Variants in GPR158 observed in about 807,000 individuals in gnomAD.
GPR158 encodes metabotropic glycine receptor.
Under a neutral mutation model 78.2 loss-of-function variants are expected in GPR158, and 30 were observed. The ratio of observed to expected loss-of-function variants is 0.38; its 90% confidence interval spans 0.29 to 0.52. The LOEUF (loss-of-function observed/expected upper bound fraction) is 0.52, where lower values mean the gene tolerates loss of function less well. GPR158 is among the 20% of genes least tolerant of loss of function. The pLI is 0.83. For missense variants in GPR158, 1,463 were observed against 1,523.5 expected, an observed-to-expected ratio of 0.96 and a Z score of 0.66; for synonymous variants, 581 against 591.1, an observed-to-expected ratio of 0.98 and a Z score of 0.25.
intron 5 of GPR158, among the ~76,000 whole-genome samples, chr10:25,509,612 G>A (rs1836057189): frequency 6.6e-6 from 1 of 152,200 alleles, no homozygotes; most frequent in Admixed American, 6.5e-5. Flanking sequence ...TGTATTTTCT[G>A]TGTGGATGTT....
intron 5 of GPR158, among the ~76,000 whole-genome samples, chr10:25,500,415 A>C (rs572157544): frequency 1.3e-5 from 2 of 152,342 alleles, no homozygotes; most frequent in African/African-American, 4.8e-5. Flanking sequence ...GGATTTTTTC[A>C]AAATTCCTGG....
intron 1 of GPR158, among the ~76,000 whole-genome samples, chr10:25,182,345 C>T (rs368820016): frequency 4.6e-5 from 7 of 152,128 alleles, no homozygotes; most frequent in Admixed American, 2.0e-4. Context: ...TAATTTCTCT[C>T]GAGAGAATAC....
At chr10:25,366,621 A>G (rs1187096634) in intron 2 of GPR158, among the ~76,000 whole-genome samples, 5 of 151,706 alleles carry the variant, frequency 3.3e-5, no homozygotes, top group African/African-American at 1.2e-4. Flanking sequence ...TACTTAGTTA[A>G]TTAATGATGT....
chr10:25,488,291 C>T (rs1835760303), intron 5 of GPR158, among the ~76,000 whole-genome samples: 1 of 152,114 alleles, frequency 6.6e-6, no homozygotes, highest in African/African-American at 2.4e-5. Context: ...ATCACAAGGT[C>T]ATGCTTAGCT....
intron 9 of GPR158, among the ~76,000 whole-genome samples, chr10:25,595,453 T>C (rs1443998174): frequency 5.3e-5 from 8 of 152,198 alleles, no homozygotes; most frequent in Non-Finnish European, 1.5e-5. Flanking sequence ...TGTAGAAGGA[T>C]GTTCATAGCA....
chr10:25,187,562 G>T (rs1447886434), intron 1 of GPR158, among the ~76,000 whole-genome samples: 1 of 152,196 alleles, frequency 6.6e-6, no homozygotes, highest in South Asian at 2.1e-4. Context: ...TGCAGAAAAG[G>T]CCTTCGACAA....
In GPR158 at chr10:25,176,452, C is replaced by T; in HGVS notation, c.902+130C>T. The T allele has an allele frequency of 2.6e-6, 2 of 783,090 alleles. No homozygotes were observed. The highest frequency in any genetic ancestry group is 2.0e-5 in the South Asian group (1 of 51,214). The allele number at this position is 783,090 out of a possible 1,614,324, so 48.5% of individuals were successfully genotyped here. A position where few individuals can be genotyped will look rare whatever the true frequency, so the allele number is the denominator to read the frequency against. On this transcript the variant is annotated intron_variant, in intron 1 of 10. Coordinates refer to ENST00000376351, the MANE Select transcript of GPR158 (RefSeq NM_020752.3). This position sits in a 1 kb window ranked among gnomAD's most constrained non-coding sequence, Gnocchi z 6.3. ...CGCTTCTCACCCTCAGAGTAGAGAC[C>T]CGGGCTGAGGGACACCCCACGCGGG... is the stretch of plus-strand genomic sequence containing the variant.
chr10:25,515,185 C>A (rs1490601792), intron 5 of GPR158, among the ~76,000 whole-genome samples: 2 of 151,692 alleles, frequency 1.3e-5, no homozygotes, highest in Admixed American at 1.3e-4. Context: ...TTCTTGGAGG[C>A]TTTGTTCATT....
At chr10:25,363,215 C>T (rs1855668841) in intron 2 of GPR158, among the ~76,000 whole-genome samples, 1 of 151,908 alleles carries the variant, frequency 6.6e-6, no homozygotes, top group Admixed American at 6.6e-5. Flanking sequence ...TTTATAGATC[C>T]AATCACAGCA....
In GPR158 at chr10:25,312,034, A is replaced by T. The variant is rs554879141; in HGVS notation, c.1009-83877A>T. Among the ~76,000 whole-genome samples, 10 of 152,140 alleles carry T rather than the reference A, an allele frequency of 6.6e-5. No individual in the cohort carries two copies. In the South Asian group the frequency reaches 2.1e-3, roughly 32 times the overall value. On this transcript the variant is annotated intron_variant, in intron 2 of 10. Coordinates refer to ENST00000376351, the MANE Select transcript of GPR158 (RefSeq NM_020752.3). The stretch of plus-strand genomic sequence containing the variant: ...TATTTATTTTGGTCAAACTATATGA[A>T]AATTATCTGGCCTTATACAAATTTG...
At chr10:25,349,329 G>A (rs1855420515) in intron 2 of GPR158, among the ~76,000 whole-genome samples, 1 of 151,914 alleles carries the variant, frequency 6.6e-6, no homozygotes, top group Admixed American at 6.6e-5. Flanking sequence ...GGTAGACAAT[G>A]TAGGCTCAAC....
At chr10:25,416,335 T>G (rs1018545793) in intron 4 of GPR158, among the ~76,000 whole-genome samples, 3 of 152,212 alleles carry the variant, frequency 2.0e-5, no homozygotes, top group Non-Finnish European at 2.9e-5. Flanking sequence ...TCGCAGATAT[T>G]TCTGTGCTGA....
chr10:25,313,349 G>A (rs958322938), intron 2 of GPR158, among the ~76,000 whole-genome samples: 1 of 151,682 alleles, frequency 6.6e-6, no homozygotes, highest in African/African-American at 2.4e-5. Context: ...GTATACATAT[G>A]TAACAAACCT....
intron 5 of GPR158, among the ~76,000 whole-genome samples, chr10:25,494,814 C>T (rs1413448525): frequency 1.3e-5 from 2 of 152,106 alleles, no homozygotes; most frequent in East Asian, 1.9e-4. Flanking sequence ...TAAGTTTAAA[C>T]TCTAAATATT....
intron 2 of GPR158, among the ~76,000 whole-genome samples, chr10:25,292,844 G>T (rs931686232): frequency 6.6e-6 from 1 of 152,052 alleles, no homozygotes; most frequent in Non-Finnish European, 1.5e-5. Context: ...TTTATTATTT[G>T]CTACCAAAGA....
chr10:25,590,490 A>C (rs1412393959), intron 8 of GPR158, among the ~76,000 whole-genome samples: 1 of 152,196 alleles, frequency 6.6e-6, no homozygotes, highest in African/African-American at 2.4e-5. Flanking sequence ...TATCTTGAGC[A>C]CCATAGAATG....
chr10:25,574,580 C>T (rs1057315071), intron 7 of GPR158, among the ~76,000 whole-genome samples: 2 of 152,084 alleles, frequency 1.3e-5, no homozygotes, highest in African/African-American at 4.8e-5. Flanking sequence ...GTGTAAAGAA[C>T]ATTCATTTTA....
Position 25,212,269 on chromosome 10 carries a change from G to A in GPR158, c.903-8783G>A, listed in dbSNP as rs1026174945. On this transcript the variant is annotated intron_variant, in intron 1 of 10. Transcript: ENST00000376351. ...GCATCTGCTTCTGGGGAAGCTTCAGGGAGCTTTTACTCATGATGAAAGGCA... is the reference window on the plus strand; with the variant it reads ...GCATCTGCTTCTGGGGAAGCTTCAGAGAGCTTTTACTCATGATGAAAGGCA... Among the ~76,000 whole-genome samples, 3 of 152,120 alleles carry A rather than the reference G, an allele frequency of 2.0e-5. No individual in the cohort carries two copies. The South Asian group carries it at 6.2e-4, about 32-fold the overall frequency.
chr10:25,412,741 CA>C (rs1268546816), intron 4 of GPR158, among the ~76,000 whole-genome samples: 1 of 152,196 alleles, frequency 6.6e-6, no homozygotes, highest in Non-Finnish European at 1.5e-5. Flanking sequence ...CTCTCCTTTA[CA>C]TCATGTCTTT....
Sources: allele counts gnomAD v4.1 joint callset (sites outside exome capture counted in the v4.1 genomes callset), GRCh38; gene constraint gnomAD v4.1.1; non-coding constraint Gnocchi (gnomAD v3.1); transcripts MANE v1.5; gene names NCBI Gene and HGNC (gene_info 2026-07-23, HGNC 2026-07-21).